Variants in GSK3A observed in about 807,000 individuals in gnomAD.
The protein encoded by GSK3A is glycogen synthase kinase 3 alpha.
A neutral mutation model predicts 56.6 loss-of-function variants in GSK3A; 14 were observed. The ratio of observed to expected loss-of-function variants is 0.25; its 90% CI spans 0.16 to 0.39. The LOEUF is 0.39. Among genes scored for constraint, GSK3A ranks in the 10% least tolerant of loss-of-function variants. GSK3A has a pLI of 1.00. For missense variants in GSK3A, 450 were observed against 656.0 expected, an observed-to-expected ratio of 0.69 and a Z score of 3.43; for synonymous variants, 301 against 285.0, an observed-to-expected ratio of 1.06 and a Z score of -0.56.
intron 1 of GSK3A, chr19:42,240,530 C>A (rs1002024269): frequency 1.9e-5 from 7 of 366,750 alleles, no homozygotes; most frequent in Non-Finnish European, 3.0e-5. Context: ...AAAGCTTGAC[C>A]GAGCCTCTTC....
rs1256149710 is a variant in GSK3A, at chr19:42,242,446, GA to G, written c.19del (p.Ser7ArgfsTer85). 7.9e-7 allele frequency: 1 copy of G among 1,266,324 alleles called. No individual in the cohort carries two copies. The highest frequency in any genetic ancestry group is 3.7e-5 in the Admixed American group (1 of 26,774). 78.4% of individuals were successfully genotyped at this position (1,266,324 alleles called of 1,614,324 possible). Reference protein sequence around the residue: MSGGGPSGGGPGGSGRA... With the variant: MSGGGPXGGGPGGSGRA... ...GCCCGAGCCCCCAGGGCCGCCTCCC[GA>G]AGGCCCGCCGCCGCTCATGGCGCCG... is the stretch of plus-strand genomic sequence containing the variant. On this transcript the variant is annotated frameshift_variant, in exon 1 of 11. Coordinates refer to ENST00000222330, the MANE Select transcript of GSK3A (RefSeq NM_019884.3). LOFTEE classifies it high-confidence loss of function.
rs973034955 is a variant in GSK3A at position 42,242,283 on chromosome 19, C to T, written c.183G>A (p.Gly61=). The change falls in exon 1 of 11, where the codon GGG becomes GGA. Residue 61 remains glycine (G), a synonymous_variant. Coordinates refer to ENST00000222330, the MANE Select transcript of GSK3A (RefSeq NM_019884.3). ...ASVGAMGGGV[G]ASSSGGGPGG... Reference sequence around the variant, plus strand: ...CGGGTCCACCCCCGGAGCTCGAGGCCCCGACGCCCCCACCCATGGCCCCGA... The same window carrying T: ...CGGGTCCACCCCCGGAGCTCGAGGCTCCGACGCCCCCACCCATGGCCCCGA... The T allele has an allele frequency of 2.2e-5, 31 of 1,440,792 alleles. No individual in the cohort carries two copies. The African/African-American group carries it at 3.6e-4, about 17-fold the overall frequency. 89.3% of individuals were successfully genotyped at this position (1,440,792 alleles called of 1,614,324 possible).
In GSK3A at chr19:42,230,853, G is replaced by T; in HGVS notation, c.1393C>A (p.Pro465Thr). Residue 465 changes from proline to threonine, a missense_variant, in exon 11 of 11, where the codon CCG becomes ACG. Pro to Thr is a conservative substitution (Grantham distance 38). Coordinates refer to ENST00000222330, the MANE Select transcript of GSK3A (RefSeq NM_019884.3). ...GTCGACTGCCAGTCTGAGCTGGTCG[G>T]AGTCTCAGTTAAAGCTGGAGGGAGG... ...TPSSQALTET[P>T]TSSDWQSTDA... 6.4e-7 allele frequency: 1 copy of T among 1,560,924 alleles called. No homozygotes were observed. The highest frequency in any genetic ancestry group is 8.7e-7 in the Non-Finnish European group (1 of 1,152,056).
rs189472544 is a variant in GSK3A at position 42,237,660 on chromosome 19, G to A, written c.472-719C>T. 4.1e-3 allele frequency among the ~76,000 whole-genome samples: 607 copies of A among 148,310 alleles called. 3 individuals are homozygous for A. Among genetic ancestry groups the A allele is most frequent in the African/African-American group, 0.014 (569 of 40,694 alleles). On this transcript the variant is annotated intron_variant, in intron 2 of 10. Coordinates refer to ENST00000222330, the MANE Select transcript of GSK3A (RefSeq NM_019884.3). ...TGGGAGGCTGAGGTGGGTGGATCAC[G>A]AAGTCAGGAGATTGAGACCATCCTG...
chr19:42,242,146 C>T (rs1204478601), intron 1 of GSK3A, 37 bp downstream of exon 1: 4 of 1,316,458 alleles, frequency 3.0e-6, no homozygotes, highest in Non-Finnish European at 3.9e-6. Flanking sequence ...TTTGGGAACC[C>T]TAATCACCAC....
At chr19:42,231,008 C>A in intron 10 of GSK3A, 141 bp from the exon 11 acceptor site, 1 of 690,706 alleles carries the variant, frequency 1.4e-6, no homozygotes. Flanking sequence ...GTTGCAAACT[C>A]AAGTGCTAAA....
At chr19:42,238,798 C>A (rs1490590978) in intron 2 of GSK3A, among the ~76,000 whole-genome samples, 16 of 150,388 alleles carry the variant, frequency 1.1e-4, no homozygotes, top group African/African-American at 3.9e-4. Flanking sequence ...CCTGTCTCTA[C>A]TAAAAATACA....
At chr19:42,232,706 T>C (rs2036232131) in intron 8 of GSK3A, 24 bp from the exon 9 acceptor site, 1 of 1,534,928 alleles carries the variant, frequency 6.5e-7, no homozygotes, top group African/African-American at 1.4e-5. Flanking sequence ...GCAGGGCTCA[T>C]GAGGGTGAGA....
At chr19:42,236,436 CCT>C (rs1440567654) in intron 4 of GSK3A, among the ~76,000 whole-genome samples, 168 bp downstream of exon 4, 1 of 152,090 alleles carries the variant, frequency 6.6e-6, no homozygotes, top group Non-Finnish European at 1.5e-5. Context: ...TTGGCCCTCC[CCT>C]GTGTTAGGCG....
intron 6 of GSK3A, 139 bp from the exon 7 acceptor site, chr19:42,233,522 G>A: frequency 1.6e-6 from 1 of 636,380 alleles, no homozygotes; most frequent in Non-Finnish European, 2.8e-6. Context: ...AAGGTCACAT[G>A]CAGCTTAGAA....
chr19:42,232,527 T>C lies in GSK3A; in HGVS notation c.1254A>G (p.Pro418=). The C allele has an allele frequency of 1.2e-6, 2 of 1,614,010 alleles. No homozygotes were observed. The highest frequency in any genetic ancestry group is 1.7e-6 in the Non-Finnish European group (2 of 1,179,974). The change falls in exon 9 of 11, where the codon CCA becomes CCG. Residue 418 remains proline, a synonymous_variant. Coordinates refer to ENST00000222330, the MANE Select transcript of GSK3A (RefSeq NM_019884.3). The part of the protein sequence containing the change: ...CLGTQLPNNR[P]LPPLFNFSAG... ...CACTGAAGTTGAAGAGAGGGGGAAGTGGGCGGTTGTTAGGCAGCTGGGTTC... is the reference window on the plus strand; with the variant it reads ...CACTGAAGTTGAAGAGAGGGGGAAGCGGGCGGTTGTTAGGCAGCTGGGTTC...
chr19:42,231,335 G>C (rs997949681), intron 10 of GSK3A, among the ~76,000 whole-genome samples: 1 of 152,164 alleles, frequency 6.6e-6, no homozygotes, highest in Admixed American at 6.5e-5. Flanking sequence ...ACTCCAGCCT[G>C]GGTGACAGAA....
chr19:42,239,711 G>T (rs983976162), intron 2 of GSK3A, among the ~76,000 whole-genome samples: 3 of 152,158 alleles, frequency 2.0e-5, no homozygotes, highest in Admixed American at 2.0e-4. Context: ...TACCCTCAGA[G>T]AATCTTTATG....
At position 42,234,291 on chromosome 19, in the gene GSK3A, C is replaced by A; in HGVS notation, c.904+62G>T. On this transcript the variant is annotated intron_variant, in intron 6 of 10. Coordinates refer to ENST00000222330, the MANE Select transcript of GSK3A (RefSeq NM_019884.3). The surrounding 1 kb of genome is among the most constrained non-coding windows in gnomAD (Gnocchi z 5.7). ...TCATCACCAAGCTTGGCATACAGCACACAGAAAACTCCAAAACTTCCCAGA... is the reference window on the plus strand; with the variant it reads ...TCATCACCAAGCTTGGCATACAGCAAACAGAAAACTCCAAAACTTCCCAGA... 5.9e-6 allele frequency: 7 copies of A among 1,191,764 alleles called. No homozygotes were observed. In the South Asian group the frequency reaches 8.5e-5, roughly 14 times the overall value. The allele number at this position is 1,191,764 out of a possible 1,614,324, so 73.8% of individuals were successfully genotyped here.
At chr19:42,240,211 T>C (rs1377406830) in intron 1 of GSK3A, 69 bp from the exon 2 acceptor site, 1 of 1,422,868 alleles carries the variant, frequency 7.0e-7, no homozygotes, top group Non-Finnish European at 9.9e-7. Flanking sequence ...CCTGGGGCTG[T>C]GGGAGGAAGG....
chr19:42,237,162 A>ATTT (rs34452258), intron 2 of GSK3A, among the ~76,000 whole-genome samples: 8 of 140,082 alleles, frequency 5.7e-5, no homozygotes, highest in South Asian at 4.6e-4. Context: ...TCTTCACCCC[A>ATTT]TTTTTTTTTT....
chr19:42,235,255 C>A (rs1428310772), intron 4 of GSK3A, among the ~76,000 whole-genome samples: 2 of 152,210 alleles, frequency 1.3e-5, no homozygotes, highest in African/African-American at 4.8e-5. Flanking sequence ...AGAACCACTG[C>A]TTTAATCACA....
chr19:42,233,095 C>CA lies in GSK3A; in HGVS notation c.1098+14_1098+15insT. 6.5e-7 allele frequency: 1 copy of CA among 1,546,786 alleles called. No homozygotes were observed. The highest frequency in any genetic ancestry group is 8.8e-7 in the Non-Finnish European group (1 of 1,136,846). ...CTCTCAGCCATACTGCCCTGAGCCCCTAGCCCTGCCCCACCTTTGTCCAGG... is the reference window on the plus strand; with the variant it reads ...CTCTCAGCCATACTGCCCTGAGCCCCATAGCCCTGCCCCACCTTTGTCCAGG... On this transcript the variant is annotated intron_variant, in intron 8 of 10. Transcript: ENST00000222330.
At chr19:42,237,442 C>T (rs2036264172) in intron 2 of GSK3A, among the ~76,000 whole-genome samples, 1 of 151,996 alleles carries the variant, frequency 6.6e-6, no homozygotes, top group Admixed American at 6.6e-5. Context: ...CAGGCCTCAG[C>T]CTCCCAAAGT....
Sources: allele counts gnomAD v4.1 joint callset (sites outside exome capture counted in the v4.1 genomes callset), GRCh38; gene constraint gnomAD v4.1.1; non-coding constraint Gnocchi (gnomAD v3.1); transcripts MANE v1.5; gene names NCBI Gene and HGNC (gene_info 2026-07-23, HGNC 2026-07-21).